The following INO80C variants were observed in gnomAD, a reference collection of about 807,000 sequenced individuals.
INO80C encodes the protein IES6 homolog.
Under a neutral mutation model 17.7 loss-of-function variants are expected in INO80C, and 17 were observed. That is an observed-to-expected ratio of 0.96 (90% confidence interval 0.66 to 1.44). The LOEUF (loss-of-function observed/expected upper bound fraction) is 1.44. Among genes scored for constraint, INO80C ranks in the 40% most tolerant of loss-of-function variants. The probability of loss-of-function intolerance (pLI) is 0.00; values close to 1 mark genes in which losing one functional copy is unlikely to be tolerated. For missense variants in INO80C, 244 were observed against 245.0 expected (o/e 1.00, Z 0.03); for synonymous variants, 96 against 95.8 (o/e 1.00, Z -0.01).
Position 35,480,501 on chromosome 18 carries a change from A to G in INO80C, c.219T>C (p.Pro73=). 6.2e-7 allele frequency: 1 copy of G among 1,614,164 alleles called. No individual in the cohort carries two copies. The highest frequency in any genetic ancestry group is 8.5e-7 in the Non-Finnish European group (1 of 1,179,964). Residue 73 remains proline (P), a synonymous_variant, in exon 2 of 5, where the codon CCT becomes CCC. Transcript: ENST00000334598. ...KMVPSEFSTG[P]VEKAAKPLPF... is the part of the protein sequence containing the mutation. ...GCAAAGGTTTGGCAGCTTTTTCCAC[A>G]GGTCCTGTGCTAAACTCAGAGGGCA...
At chr18:35,478,185 G>T in intron 4 of INO80C, 97 bp downstream of exon 4, 3 of 930,920 alleles carry the variant, frequency 3.2e-6, no homozygotes, top group Non-Finnish European at 5.0e-6. Context: ...CAGGCTCCAG[G>T]CAGGACCAGC....
intron 3 of INO80C, 60 bp from the exon 4 acceptor site, chr18:35,478,409 C>CTT: frequency 8.1e-7 from 1 of 1,235,576 alleles, no homozygotes; most frequent in Non-Finnish European, 1.1e-6. Flanking sequence ...AATCCCTTCT[C>CTT]TTTTTTTTTC....
intron 1 of INO80C, among the ~76,000 whole-genome samples, chr18:35,489,811 A>G (rs1406411865): frequency 6.6e-6 from 1 of 151,996 alleles, no homozygotes; most frequent in Non-Finnish European, 1.5e-5. Flanking sequence ...TCTCCTCACT[A>G]CCTTCCCACA....
At position 35,468,737 on chromosome 18, in the gene INO80C, G is replaced by A. The variant is rs2045634290; in HGVS notation, c.453C>T (p.Asn151=). The A allele has an allele frequency of 6.2e-7, 1 of 1,613,860 alleles. No homozygotes were observed. The highest frequency in any genetic ancestry group is 1.3e-5 in the African/African-American group (1 of 74,914). ...KYSDVSGLLA[N]YTDPQSKLRF... ...GCAGTTTGCTCTGGGGGTCTGTGTA[G>A]TTGGCCTGGGTGAAAAGAGGCACAG... is the stretch of plus-strand genomic sequence containing the variant. The change falls in exon 5 of 5, where the codon AAC becomes AAT. Residue 151 remains asparagine, a synonymous_variant. Transcript: ENST00000334598.
In INO80C at chr18:35,493,146, G is replaced by A. The variant is rs568574029; in HGVS notation, c.156+4573C>T. Among the ~76,000 whole-genome samples the A allele has an allele frequency of 2.0e-5, 3 of 152,332 alleles. No homozygotes were observed. In the South Asian group the frequency reaches 6.2e-4, roughly 32 times the overall value. On this transcript the variant is annotated intron_variant, in intron 1 of 4. Transcript: ENST00000334598. ...TTGGCGTTTTTATCTGTAAAATGAA[G>A]TGATCAATTCACAGAGGGTCGTTTG... is the stretch of plus-strand genomic sequence containing the variant.
At chr18:35,479,497 G>A in intron 2 of INO80C, 86 bp from the exon 3 acceptor site, 1 of 770,520 alleles carries the variant, frequency 1.3e-6, no homozygotes. Context: ...AATCATAACT[G>A]TAATATACCT....
At chr18:35,488,760 C>T (rs1019600424) in intron 1 of INO80C, among the ~76,000 whole-genome samples, 1 of 152,194 alleles carries the variant, frequency 6.6e-6, no homozygotes, top group Non-Finnish European at 1.5e-5. Flanking sequence ...TTTTTATTCT[C>T]TATCACATTG....
At chr18:35,486,786 TAA>T (rs374753662) in intron 1 of INO80C, among the ~76,000 whole-genome samples, 13 of 79,644 alleles carry the variant, frequency 1.6e-4, no homozygotes, top group African/African-American at 2.6e-4. Context: ...CCCAATTTCT[TAA>T]AAAAAAAAAA....
At chr18:35,478,551 G>T (rs1462668083) in intron 3 of INO80C, among the ~76,000 whole-genome samples, 1 of 152,130 alleles carries the variant, frequency 6.6e-6, no homozygotes, top group Non-Finnish European at 1.5e-5. Flanking sequence ...CCAAGTGCAG[G>T]CTCCAGATCT....
At chr18:35,471,387 G>A (rs2045667601) in intron 4 of INO80C, among the ~76,000 whole-genome samples, 1 of 152,082 alleles carries the variant, frequency 6.6e-6, no homozygotes, top group Admixed American at 6.5e-5. Context: ...TGTGTGTGTT[G>A]ATTTTTATAT....
chr18:35,473,184 C>T (rs1444423313), intron 4 of INO80C, among the ~76,000 whole-genome samples: 2 of 152,218 alleles, frequency 1.3e-5, no homozygotes, highest in African/African-American at 4.8e-5. Context: ...CAAAATGACA[C>T]AGGGAGAGAT....
intron 1 of INO80C, among the ~76,000 whole-genome samples, chr18:35,491,283 G>A (rs983981537): frequency 1.8e-4 from 27 of 152,194 alleles, no homozygotes; most frequent in Admixed American, 6.5e-5. Flanking sequence ...GGAGAGGGTG[G>A]TAATGAAGAG....
intron 2 of INO80C, 138 bp from the exon 3 acceptor site, chr18:35,479,549 A>G (rs1239948321): frequency 1.6e-6 from 1 of 618,000 alleles, no homozygotes; most frequent in Non-Finnish European, 2.9e-6. Context: ...GACTTTTTTT[A>G]AAAGGTATTT....
At chr18:35,476,081 A>G (rs1389312745) in intron 4 of INO80C, among the ~76,000 whole-genome samples, 2 of 152,254 alleles carry the variant, frequency 1.3e-5, no homozygotes, top group Admixed American at 6.5e-5. Context: ...TTTAAAATGT[A>G]TATTGTAAAC....
chr18:35,476,536 T>G (rs1384454092), intron 4 of INO80C, among the ~76,000 whole-genome samples: 1 of 152,134 alleles, frequency 6.6e-6, no homozygotes, highest in Non-Finnish European at 1.5e-5. Context: ...AAAAATATAG[T>G]CTATTAAAAA....
chr18:35,487,422 G>A (rs925540353), intron 1 of INO80C: 21 of 387,454 alleles, frequency 5.4e-5, no homozygotes, highest in East Asian at 5.0e-4. Flanking sequence ...CAATCATGGC[G>A]GAAGGCAAGA....
intron 1 of INO80C, among the ~76,000 whole-genome samples, chr18:35,492,741 T>C (rs1241667166): frequency 6.6e-6 from 1 of 152,204 alleles, no homozygotes; most frequent in Non-Finnish European, 1.5e-5. Flanking sequence ...ATCTGCCCTA[T>C]CCTCCTAAAG....
intron 3 of INO80C, 85 bp downstream of exon 3, chr18:35,479,215 C>A (rs2045775717): frequency 2.4e-6 from 2 of 839,018 alleles, no homozygotes; most frequent in Non-Finnish European, 3.9e-6. Context: ...TACAATGATG[C>A]AAACACAATA....
intron 1 of INO80C, among the ~76,000 whole-genome samples, chr18:35,484,687 C>T (rs1301239221): frequency 6.6e-6 from 1 of 152,156 alleles, no homozygotes; most frequent in South Asian, 2.1e-4. Flanking sequence ...TTATATGCAA[C>T]ACTATGCTAC....
Sources: gnomAD v4.1 joint callset for allele counts (sites outside exome capture counted in the v4.1 genomes callset) on GRCh38, gnomAD v4.1.1 for gene constraint, MANE v1.5 for transcripts, NCBI Gene and HGNC (gene_info 2026-07-23, HGNC 2026-07-21) for gene names.